Variants in PRDM16 observed in about 807,000 individuals in gnomAD.
PRDM16 encodes histone-lysine N-methyltransferase PRDM16.
In PRDM16, 23 loss-of-function variants were observed where a neutral mutation model predicts 110.6. The ratio of observed to expected loss-of-function variants is 0.21; its 90% confidence interval spans 0.15 to 0.29. The LOEUF is 0.29. Ranked by LOEUF, PRDM16 falls within the 10% of genes least tolerant of loss-of-function variation. The probability of loss-of-function intolerance (pLI) is 1.00; values close to 1 mark genes in which losing one functional copy is unlikely to be tolerated. For missense variants in PRDM16, 1,615 were observed against 1,794.3 expected (o/e 0.90, Z 1.81); for synonymous variants, 799 against 781.8 (o/e 1.02, Z -0.37).
chr1:3,243,159 G>A lies in PRDM16; in HGVS notation c.388-928G>A, dbSNP rs931916881. Among the ~76,000 whole-genome samples, 2 of 152,206 alleles carry A rather than the reference G, an allele frequency of 1.3e-5. No homozygotes were observed. Among genetic ancestry groups the A allele is most frequent in the East Asian group, 1.9e-4 (1 of 5,194 alleles). On this transcript the variant is annotated intron_variant, in intron 2 of 16. Coordinates refer to ENST00000270722, the MANE Select transcript of PRDM16 (RefSeq NM_022114.4). The surrounding 1 kb of genome is among the most constrained non-coding windows in gnomAD (Gnocchi z 5.5). ...TCCCTGTCTCGGCCTCTGTCCACAC[G>A]TGGGTGAGGGGGTGGGAGCTCCTGT... is the stretch of plus-strand genomic sequence containing the variant.
intron 6 of PRDM16, among the ~76,000 whole-genome samples, chr1:3,403,247 C>T (rs978768925): frequency 6.6e-6 from 1 of 152,164 alleles, no homozygotes; most frequent in African/African-American, 2.4e-5. Flanking sequence ...TGGCTCCGAC[C>T]GCAAATGTCC....
intron 2 of PRDM16, among the ~76,000 whole-genome samples, chr1:3,198,870 C>T (rs902396147): frequency 3.9e-5 from 6 of 152,200 alleles, no homozygotes; most frequent in South Asian, 2.1e-4. Context: ...ATACCTACGT[C>T]CACTCCGTTC....
intron 1 of PRDM16, among the ~76,000 whole-genome samples, chr1:3,103,564 G>A (rs531061670): frequency 3.2e-4 from 49 of 152,288 alleles, no homozygotes; most frequent in Admixed American, 1.4e-3. Flanking sequence ...CTCGCATACC[G>A]CCAAAAACAC....
chr1:3,084,824 G>A (rs1642113580), intron 1 of PRDM16, among the ~76,000 whole-genome samples: 1 of 152,200 alleles, frequency 6.6e-6, no homozygotes, highest in Non-Finnish European at 1.5e-5. Context: ...CCTGCAGGCT[G>A]TCGGGGGGCA....
chr1:3,162,160 G>A (rs146730364), intron 1 of PRDM16, among the ~76,000 whole-genome samples: 1 of 152,130 alleles, frequency 6.6e-6, no homozygotes, highest in Admixed American at 6.5e-5. Context: ...ATTAGGTGGC[G>A]TTCAATATGC....
Position 3,265,770 on chromosome 1 carries a change from G to A in PRDM16, c.438+21633G>A, listed in dbSNP as rs922785688. Among the ~76,000 whole-genome samples, 5 of 152,112 alleles carry A rather than the reference G, an allele frequency of 3.3e-5. No individual in the cohort carries two copies. Among genetic ancestry groups the A allele is most frequent in the Admixed American group, 6.5e-5 (1 of 15,280 alleles). On this transcript the variant is annotated intron_variant, in intron 3 of 16. Coordinates refer to ENST00000270722, the MANE Select transcript of PRDM16 (RefSeq NM_022114.4). This position sits in a 1 kb window ranked among gnomAD's most constrained non-coding sequence, Gnocchi z 4.5. ...CCAGCCAGACAGGCATTATCCAGCT[G>A]GCACCTCACGCTCTGTCCTCACCGC...
At chr1:3,250,353 G>T (rs371390024) in intron 3 of PRDM16, among the ~76,000 whole-genome samples, 2 of 152,154 alleles carry the variant, frequency 1.3e-5, no homozygotes, top group Non-Finnish European at 1.5e-5. Context: ...TCCCGCAGGG[G>T]CCCCTTCACA....
chr1:3,269,524 G>T (rs1032607395), intron 3 of PRDM16, among the ~76,000 whole-genome samples: 8 of 145,700 alleles, frequency 5.5e-5, no homozygotes, highest in African/African-American at 2.1e-4. Flanking sequence ...TTGGGAGGAG[G>T]ACAGTCGGGG....
At position 3,223,646 on chromosome 1, in the gene PRDM16, C is replaced by T. The variant is rs189771487; in HGVS notation, c.388-20441C>T. Among the ~76,000 whole-genome samples the T allele has an allele frequency of 3.4e-3, 516 of 152,308 alleles. 2 individuals are homozygous for T. Among genetic ancestry groups the T allele is most frequent in the Non-Finnish European group, 6.1e-3 (415 of 68,030 alleles). The stretch of plus-strand genomic sequence containing the variant: ...CCTCTCAGGGCTGCAGGGGAATGCA[C>T]CATCAATTTGAGTGTTGGGTCTGCA... On this transcript the variant is annotated intron_variant, in intron 2 of 16. Transcript: ENST00000270722.
intron 6 of PRDM16, 144 bp from the exon 7 acceptor site, chr1:3,404,595 G>A (rs1643527991): frequency 1.0e-6 from 1 of 996,334 alleles, no homozygotes; most frequent in Non-Finnish European, 1.4e-6. Context: ...GAGGTGGGCA[G>A]GGAGACACCA....
Position 3,209,256 on chromosome 1 carries a change from AAATCTCAGAGTG to A in PRDM16, c.387+22783_387+22794del. ...CAACAAGAAGAGAAGGACAGGAAAT[AAATCTCAGAGTG>A]GGATTTACTAAGCACGGTCACGCTG... On this transcript the variant is annotated intron_variant, in intron 2 of 16. Coordinates refer to ENST00000270722, the MANE Select transcript of PRDM16 (RefSeq NM_022114.4). The surrounding 1 kb of genome is among the most constrained non-coding windows in gnomAD (Gnocchi z 4.6). Among the ~76,000 whole-genome samples, 1 of 152,226 alleles carries A rather than the reference AAATCTCAGAGTG, an allele frequency of 6.6e-6. No homozygotes were observed. The highest frequency in any genetic ancestry group is 1.5e-5 in the Non-Finnish European group (1 of 68,034).
intron 1 of PRDM16, among the ~76,000 whole-genome samples, chr1:3,076,253 T>C (rs1347110612): frequency 6.6e-6 from 1 of 152,148 alleles, no homozygotes; most frequent in Non-Finnish European, 1.5e-5. Context: ...TCCACGTCTT[T>C]GCCGCAGCCC....
At chr1:3,249,695 T>C (rs887878952) in intron 3 of PRDM16, among the ~76,000 whole-genome samples, 4 of 152,242 alleles carry the variant, frequency 2.6e-5, no homozygotes, top group African/African-American at 4.8e-5. Flanking sequence ...TTTGATAATC[T>C]CAGCCTGAAT....
intron 1 of PRDM16, among the ~76,000 whole-genome samples, chr1:3,177,313 G>A (rs1378208015): frequency 1.3e-5 from 2 of 152,140 alleles, no homozygotes; most frequent in Non-Finnish European, 2.9e-5. Flanking sequence ...TGGACATGAC[G>A]AAGGCCCTTA....
At chr1:3,419,036 G>A (rs1266347064) in intron 12 of PRDM16, among the ~76,000 whole-genome samples, 2 of 152,182 alleles carry the variant, frequency 1.3e-5, no homozygotes, top group East Asian at 3.9e-4. Context: ...TGGGGCAGGG[G>A]ATCCTCATCA....
chr1:3,297,101 C>A (rs1641105221), intron 3 of PRDM16, among the ~76,000 whole-genome samples: 1 of 152,142 alleles, frequency 6.6e-6, no homozygotes, highest in South Asian at 2.1e-4. Context: ...AGATCTCAGA[C>A]CTCGTGGGGT....
At chr1:3,239,049 T>C (rs897895035) in intron 2 of PRDM16, among the ~76,000 whole-genome samples, 1 of 152,230 alleles carries the variant, frequency 6.6e-6, no homozygotes, top group South Asian at 2.1e-4. Flanking sequence ...CCGCTGCTGT[T>C]ATGACTGGCT....
chr1:3,362,620 T>C (rs1447816556), intron 3 of PRDM16, among the ~76,000 whole-genome samples: 1 of 152,036 alleles, frequency 6.6e-6, no homozygotes, highest in Non-Finnish European at 1.5e-5. Flanking sequence ...GGGTCACAGA[T>C]GGTCCTTTCT....
Position 3,412,110 on chromosome 1 carries a change from G to T in PRDM16, c.1913G>T (p.Gly638Val). The change falls in exon 9 of 17, where the codon GGC becomes GTC. Residue 638 changes from glycine (G) to valine (V), a missense_variant. This residue lies in a region of PRDM16 where 772 missense variants were observed against 748.3 expected (regional missense o/e 1.03). Transcript: ENST00000270722. ...DVDSDPDKDK[G>V]KGKSAEGQPK... The stretch of plus-strand genomic sequence containing the variant: ...GACAGCGACCCTGACAAGGACAAGG[G>T]CAAGGGCAAGTCCGCCGAGGGCCAG... The T allele has an allele frequency of 6.3e-7, 1 of 1,576,980 alleles. No homozygotes were observed. The highest frequency in any genetic ancestry group is 1.2e-5 in the South Asian group (1 of 85,382).
Sources: gnomAD v4.1 joint callset for allele counts (sites outside exome capture counted in the v4.1 genomes callset) on GRCh38, gnomAD v4.1.1 for gene constraint, gnomAD v4.1.1 regional missense constraint, Gnocchi (gnomAD v3.1) non-coding constraint, MANE v1.5 for transcripts, NCBI Gene and HGNC (gene_info 2026-07-23, HGNC 2026-07-21) for gene names.